The following ART3 variants were observed in gnomAD, a reference collection of about 807,000 sequenced individuals.
The protein encoded by ART3 is ecto-ADP-ribosyltransferase 3.
In ART3, 49 loss-of-function variants were observed where a neutral mutation model predicts 48.5. That is an observed-to-expected ratio of 1.01 (90% CI 0.80 to 1.28). The LOEUF (loss-of-function observed/expected upper bound fraction) is 1.28. Ranked by LOEUF, ART3 falls within the 50% of genes most tolerant of loss-of-function variation. The pLI, the probability that ART3 is intolerant of heterozygous loss-of-function variation, is 0.00. For synonymous variants in ART3, 145 were observed against 157.2 expected, an observed-to-expected ratio of 0.92 and a Z score of 0.58; for missense variants, 438 against 454.3, an observed-to-expected ratio of 0.96 and a Z score of 0.33.
At chr4:76,056,129 A>G (rs905461106) in intron 1 of ART3, among the ~76,000 whole-genome samples, 2 of 152,206 alleles carry the variant, frequency 1.3e-5, no homozygotes, top group African/African-American at 2.4e-5. Flanking sequence ...CCTCAGTGCC[A>G]TCCCTCTACC....
chr4:76,106,538 T>C, intron 10 of ART3: 1 of 173,140 alleles, frequency 5.8e-6, no homozygotes, highest in East Asian at 1.9e-4. Flanking sequence ...TGTGTCTCTT[T>C]GTTGTGCTTA....
chr4:76,068,256 A>G (rs1490593016), intron 1 of ART3, among the ~76,000 whole-genome samples: 2 of 152,202 alleles, frequency 1.3e-5, no homozygotes, highest in African/African-American at 4.8e-5. Flanking sequence ...AACATCTACT[A>G]CAATCATGAT....
intron 3 of ART3, among the ~76,000 whole-genome samples, chr4:76,094,015 G>A (rs367612978): frequency 4.6e-5 from 7 of 152,264 alleles, no homozygotes; most frequent in South Asian, 2.1e-4. Context: ...TACCCATGAC[G>A]GGGCTAATGT....
At chr4:76,025,654 G>GTA (rs894617199) in intron 1 of ART3, among the ~76,000 whole-genome samples, 46 of 152,172 alleles carry the variant, frequency 3.0e-4, no homozygotes, top group African/African-American at 1.0e-3. Context: ...AACCACTTGA[G>GTA]TATATACTCT....
At chr4:76,040,826 GT>G (rs1302208562) in intron 1 of ART3, among the ~76,000 whole-genome samples, 1 of 152,072 alleles carries the variant, frequency 6.6e-6, no homozygotes, top group Non-Finnish European at 1.5e-5. Flanking sequence ...AGAGGGATTG[GT>G]TTTGTGCTGT....
At chr4:76,057,655 C>A (rs1033744124) in intron 1 of ART3, among the ~76,000 whole-genome samples, 1 of 152,106 alleles carries the variant, frequency 6.6e-6, no homozygotes, top group Non-Finnish European at 1.5e-5. Flanking sequence ...TATGAGGAGA[C>A]CTAGATACAG....
At chr4:76,036,525 G>A (rs1248026262) in intron 1 of ART3, among the ~76,000 whole-genome samples, 1 of 151,952 alleles carries the variant, frequency 6.6e-6, no homozygotes, top group Non-Finnish European at 1.5e-5. Context: ...GACACCAGAT[G>A]ACCTTTATTC....
At chr4:76,013,912 T>C (rs536386692) in intron 1 of ART3, among the ~76,000 whole-genome samples, 1 of 152,368 alleles carries the variant, frequency 6.6e-6, no homozygotes, top group African/African-American at 2.4e-5. Context: ...CTGCATTTCC[T>C]ACCTTTTTAA....
chr4:76,111,573 T>C (rs58510808), intron 11 of ART3, among the ~76,000 whole-genome samples: 20,013 of 152,118 alleles, frequency 0.13, 1,540 homozygotes, highest in East Asian at 0.35. Context: ...GCTGGAGTCT[T>C]GCTCTATCAC....
chr4:76,089,782 T>C (rs1397783384), intron 3 of ART3, among the ~76,000 whole-genome samples: 1 of 152,032 alleles, frequency 6.6e-6, no homozygotes, highest in Non-Finnish European at 1.5e-5. Flanking sequence ...TTTCTTGAAA[T>C]TTAAAATATT....
intron 1 of ART3, among the ~76,000 whole-genome samples, chr4:76,016,603 A>G (rs186769511): frequency 6.6e-6 from 1 of 152,138 alleles, no homozygotes; most frequent in Non-Finnish European, 1.5e-5. Flanking sequence ...TCAAGGCCCT[A>G]CAGCTCTACC....
Position 76,082,050 on chromosome 4 carries a change from T to A in ART3, c.296T>A (p.Met99Lys), listed in dbSNP as rs142400782. Residue 99 changes from methionine (M) to lysine (K), a missense_variant, in exon 3 of 12, where the codon ATG (methionine) becomes AAG (lysine). Transcript: ENST00000355810. ...AAGGATAACCATGGAATAGCCCTGA[T>A]GGCATATATTTCCGAAGCTCAAGAG... ...NFKDNHGIAL[M>K]AYISEAQEQT... 152 of 1,614,246 alleles carry A rather than the reference T, an allele frequency of 9.4e-5. No individual in the cohort carries two copies. The highest frequency in any genetic ancestry group is 1.2e-4 in the Non-Finnish European group (139 of 1,180,044).
At position 76,035,466 on chromosome 4, in the gene ART3, C is replaced by G. The variant is rs573205922; in HGVS notation, c.-10+24146C>G. 1.2e-5 allele frequency: 11 copies of G among 910,784 alleles called. No individual in the cohort carries two copies. In the East Asian group the frequency reaches 2.9e-4, roughly 24 times the overall value. The allele number at this position is 910,784 out of a possible 1,614,324, so 56.4% of individuals were successfully genotyped here. On this transcript the variant is annotated intron_variant, in intron 1 of 9. Coordinates refer to the ART3 transcript ENST00000341029. The stretch of plus-strand genomic sequence containing the variant: ...GTAAAGATAGTAATTTGTCAAATAG[C>G]ACTTAACACAACTGTTACTGGGAAA...
At chr4:76,089,481 T>C (rs1396089323) in intron 3 of ART3, among the ~76,000 whole-genome samples, 1 of 152,156 alleles carries the variant, frequency 6.6e-6, no homozygotes, top group Non-Finnish European at 1.5e-5. Context: ...CCTCTTCCTC[T>C]TGCTCTGGCC....
At chr4:76,082,650 G>A (rs557496787) in intron 3 of ART3, 115 bp downstream of exon 3, 36 of 781,626 alleles carry the variant, frequency 4.6e-5, no homozygotes, top group African/African-American at 3.5e-4. Context: ...ATGACATTCC[G>A]TCTAGCTTCT....
At chr4:76,077,909 G>A (rs1362180099) in intron 2 of ART3, among the ~76,000 whole-genome samples, 1 of 152,250 alleles carries the variant, frequency 6.6e-6, no homozygotes, top group African/African-American at 2.4e-5. Flanking sequence ...ATATGAAGTG[G>A]TATTTCATTG....
chr4:76,016,660 C>G (rs1732290893), intron 1 of ART3, among the ~76,000 whole-genome samples: 1 of 152,190 alleles, frequency 6.6e-6, no homozygotes, highest in Admixed American at 6.5e-5. Context: ...TCCCTGCAAG[C>G]AGCAAGTTTT....
intron 1 of ART3, among the ~76,000 whole-genome samples, chr4:76,042,456 G>C (rs1433840389): frequency 1.3e-5 from 2 of 152,188 alleles, no homozygotes; most frequent in Admixed American, 6.5e-5. Context: ...GGAAGAGGTT[G>C]CCAGGCATGT....
At chr4:76,101,132 C>G (rs561747268) in intron 8 of ART3, 113 bp downstream of exon 8, 1 of 1,292,324 alleles carries the variant, frequency 7.7e-7, no homozygotes, top group African/African-American at 1.5e-5. Context: ...GCAGAGCTCA[C>G]CTTAGCTTAC....
Sources: gnomAD v4.1 joint callset for allele counts (sites outside exome capture counted in the v4.1 genomes callset) on GRCh38, gnomAD v4.1.1 for gene constraint, MANE v1.5 for transcripts, NCBI Gene and HGNC (gene_info 2026-07-23, HGNC 2026-07-21) for gene names.